Variants in PYM1 observed in about 807,000 individuals in gnomAD.
PYM1 encodes PYM1 exon junction complex associated factor, also known as partner of Y14 and mago.
Under a neutral mutation model 20.7 loss-of-function variants are expected in PYM1, and 7 were observed. The observed-to-expected ratio is 0.34, with a 90% CI of 0.19 to 0.64. The LOEUF (loss-of-function observed/expected upper bound fraction) is 0.64, where lower values mean the gene tolerates loss of function less well. Among genes scored for constraint, PYM1 ranks in the 30% least tolerant of loss-of-function variants. PYM1 has a pLI of 0.74. For synonymous variants in PYM1, 100 were observed against 99.2 expected, an observed-to-expected ratio of 1.01 and a Z score of -0.05; for missense variants, 194 against 250.0, an observed-to-expected ratio of 0.78 and a Z score of 1.51.
At chr12:55,921,193 A>G (rs1883092059) in intron 1 of PYM1, among the ~76,000 whole-genome samples, 1 of 152,232 alleles carries the variant, frequency 6.6e-6, no homozygotes, top group African/African-American at 2.4e-5. Context: ...CATATATAGT[A>G]ATTTCTTCTA....
intron 1 of PYM1, among the ~76,000 whole-genome samples, chr12:55,919,660 G>A (rs1038607671): frequency 2.6e-5 from 4 of 152,024 alleles, no homozygotes; most frequent in Non-Finnish European, 2.9e-5. Context: ...CACTTTGGGA[G>A]GCCAAGGCAG....
chr12:55,926,494 C>T (rs1327946134), intron 1 of PYM1, among the ~76,000 whole-genome samples: 1 of 152,156 alleles, frequency 6.6e-6, no homozygotes, highest in Non-Finnish European at 1.5e-5. Context: ...GAGAAGGTAG[C>T]GAAGGGTGGC....
At chr12:55,924,990 T>A (rs73121299) in intron 1 of PYM1, among the ~76,000 whole-genome samples, 10,531 of 152,244 alleles carry the variant, frequency 0.069, 514 homozygotes, top group Non-Finnish European at 0.11. Context: ...CAGCAAAAAA[T>A]TTTTTTAAAA....
chr12:55,927,116 A>G (rs1883207307), intron 1 of PYM1: 1 of 1,550,162 alleles, frequency 6.5e-7, no homozygotes, highest in Non-Finnish European at 8.7e-7. Context: ...CCATCTTGAA[A>G]ACGCAAACCA....
At chr12:55,923,184 A>G (rs907264512) in intron 1 of PYM1, among the ~76,000 whole-genome samples, 2 of 152,166 alleles carry the variant, frequency 1.3e-5, no homozygotes, top group Admixed American at 6.5e-5. Context: ...AGATCTCACC[A>G]TTGCACTCCA....
intron 1 of PYM1, chr12:55,927,061 G>A (rs768381542): frequency 1.3e-6 from 2 of 1,488,514 alleles, no homozygotes; most frequent in Admixed American, 2.2e-5. Flanking sequence ...GCGGCTCCGC[G>A]CCTCCCGCAC....
chr12:55,910,919 T>C lies in PYM1; in HGVS notation c.38-7439A>G, dbSNP rs571092190. 2.8e-4 allele frequency among the ~76,000 whole-genome samples: 43 copies of C among 152,108 alleles called. 1 individual carries two copies. The highest frequency in any genetic ancestry group is 6.8e-3 in the Middle Eastern group (2 of 294). On this transcript the variant is annotated intron_variant, in intron 1 of 2. Coordinates refer to ENST00000408946, the MANE Select transcript of PYM1 (RefSeq NM_032345.3). ...TAAAGGCCTGAGATCGATAGAAAGG[T>C]TCAGGTTCAGATAAAAGATTGTGGA...
chr12:55,907,965 T>C (rs1389836784), intron 1 of PYM1, among the ~76,000 whole-genome samples: 1 of 147,034 alleles, frequency 6.8e-6, no homozygotes. Context: ...AAAATAAGGC[T>C]GGGCATGGTG....
chr12:55,901,746 G>T lies in PYM1; in HGVS notation c.*126C>A. ...CGCTAGGCTCTGGAGGACAGAGCTGGGCCGCAGGAGGTGGAAGTAAGCCAG... is the reference window on the plus strand; with the variant it reads ...CGCTAGGCTCTGGAGGACAGAGCTGTGCCGCAGGAGGTGGAAGTAAGCCAG... On this transcript the variant is annotated 3_prime_UTR_variant, in exon 3 of 3. Transcript: ENST00000408946. 2 of 1,292,326 alleles carry T rather than the reference G, an allele frequency of 1.5e-6. No homozygotes were observed. Among genetic ancestry groups the T allele is most frequent in the Non-Finnish European group, 2.1e-6 (2 of 970,822 alleles). The allele number at this position is 1,292,326 out of a possible 1,614,324, so 80.1% of individuals were successfully genotyped here.
chr12:55,920,957 A>T (rs1883088598), intron 1 of PYM1, among the ~76,000 whole-genome samples: 1 of 152,242 alleles, frequency 6.6e-6, no homozygotes, highest in Non-Finnish European at 1.5e-5. Context: ...GCCATATATA[A>T]CAGCAGACTC....
intron 2 of PYM1, 68 bp downstream of exon 2, chr12:55,903,319 C>T (rs1450840717): frequency 2.9e-6 from 4 of 1,402,100 alleles, no homozygotes; most frequent in Non-Finnish European, 4.0e-6. Context: ...AACTTGTAGG[C>T]ATAAGGATAT....
At chr12:55,925,031 G>C (rs1883165511) in intron 1 of PYM1, among the ~76,000 whole-genome samples, 1 of 152,204 alleles carries the variant, frequency 6.6e-6, no homozygotes, top group African/African-American at 2.4e-5. Context: ...CATGATCTTG[G>C]CAGAAGTTAA....
intron 1 of PYM1, among the ~76,000 whole-genome samples, chr12:55,920,030 T>C (rs1457245455): frequency 6.6e-6 from 1 of 151,758 alleles, no homozygotes; most frequent in Non-Finnish European, 1.5e-5. Context: ...AACATAGCTC[T>C]ATAAAAAAAT....
chr12:55,912,654 C>T (rs1308860641), intron 1 of PYM1, among the ~76,000 whole-genome samples: 2 of 151,884 alleles, frequency 1.3e-5, no homozygotes, highest in Non-Finnish European at 2.9e-5. Flanking sequence ...ATAAAGCCAC[C>T]ATACTCTCTG....
intron 1 of PYM1, among the ~76,000 whole-genome samples, chr12:55,925,959 A>G (rs1883179986): frequency 6.6e-6 from 1 of 152,214 alleles, no homozygotes; most frequent in Non-Finnish European, 1.5e-5. Context: ...GAGGTTGGGG[A>G]GAAGTAGCAG....
At chr12:55,916,119 G>C (rs944442412) in intron 1 of PYM1, among the ~76,000 whole-genome samples, 1 of 152,196 alleles carries the variant, frequency 6.6e-6, no homozygotes, top group Non-Finnish European at 1.5e-5. Flanking sequence ...CGGATCACCT[G>C]AGGTCAGGAG....
At chr12:55,911,630 C>T (rs1019999737) in intron 1 of PYM1, among the ~76,000 whole-genome samples, 28 of 151,958 alleles carry the variant, frequency 1.8e-4, no homozygotes, top group Admixed American at 3.9e-4. Flanking sequence ...CACCTGAGGT[C>T]AGGAGTTTAA....
At chr12:55,913,565 A>G (rs758621033) in intron 1 of PYM1, among the ~76,000 whole-genome samples, 1 of 152,206 alleles carries the variant, frequency 6.6e-6, no homozygotes, top group Non-Finnish European at 1.5e-5. Flanking sequence ...TGTACCATAA[A>G]CTAAAGGTAG....
rs190939921 is a variant in PYM1 at position 55,905,649 on chromosome 12, G to A, written c.38-2169C>T. On this transcript the variant is annotated intron_variant, in intron 1 of 2. Transcript: ENST00000408946. ...ACCCACGAGGCGGAGGTTGCAGTGA[G>A]TGGAGATTGCGCCACTGCACTCCAG... 1.2e-3 allele frequency among the ~76,000 whole-genome samples: 175 copies of A among 148,286 alleles called. 2 individuals are homozygous for A. The highest frequency in any genetic ancestry group is 4.0e-3 in the African/African-American group (163 of 40,398).
Sources: allele counts gnomAD v4.1 joint callset (sites outside exome capture counted in the v4.1 genomes callset), GRCh38; gene constraint gnomAD v4.1.1; transcripts MANE v1.5; gene names NCBI Gene and HGNC (gene_info 2026-07-23, HGNC 2026-07-21).